The following USP46 variants were observed in gnomAD, a reference collection of about 807,000 sequenced individuals.
The protein encoded by USP46 is ubiquitin specific peptidase 46, also known as ubiquitin carboxyl-terminal hydrolase 46.
Under a neutral mutation model 44.4 loss-of-function variants are expected in USP46, and 12 were observed. That is an observed-to-expected ratio of 0.27 (90% CI 0.17 to 0.44). The LOEUF is 0.44. Among genes scored for constraint, USP46 ranks in the 20% least tolerant of loss-of-function variants. USP46 has a pLI of 1.00. For synonymous variants in USP46, 155 were observed against 161.5 expected (o/e 0.96, Z 0.31); for missense variants, 248 against 444.8 (o/e 0.56, Z 3.98).
intron 1 of USP46, among the ~76,000 whole-genome samples, chr4:52,655,849 C>G (rs1024844674): frequency 1.3e-5 from 2 of 152,184 alleles, no homozygotes; most frequent in African/African-American, 4.8e-5. Context: ...TAGTACTAAA[C>G]TTCCAGTGAA....
At chr4:52,606,483 C>T (rs570555024) in intron 5 of USP46, among the ~76,000 whole-genome samples, 2 of 152,306 alleles carry the variant, frequency 1.3e-5, no homozygotes, top group East Asian at 3.9e-4. Context: ...AGACAAGAGA[C>T]AGCAGGTGCA....
intron 1 of USP46, among the ~76,000 whole-genome samples, chr4:52,642,373 T>C (rs1451200328): frequency 1.3e-5 from 2 of 152,248 alleles, no homozygotes; most frequent in Non-Finnish European, 2.9e-5. Flanking sequence ...CAGGGAACTA[T>C]TCAAGTTCAC....
At chr4:52,610,645 T>C (rs761693518) in intron 4 of USP46, 28 bp from the exon 5 acceptor site, 3 of 1,605,150 alleles carry the variant, frequency 1.9e-6, no homozygotes, top group Non-Finnish European at 1.7e-6. Flanking sequence ...AACAATATAT[T>C]AGGCATGAAA....
intron 1 of USP46, among the ~76,000 whole-genome samples, chr4:52,633,006 G>GAAAGAAAAGA (rs1560406364): frequency 1.7e-5 from 2 of 119,042 alleles, no homozygotes; most frequent in East Asian, 4.9e-4. Flanking sequence ...AAGAAAGAAA[G>GAAAGAAAAGA]AAAGAAAGAA....
At chr4:52,622,686 T>C (rs752952193) in intron 4 of USP46, among the ~76,000 whole-genome samples, 1 of 152,084 alleles carries the variant, frequency 6.6e-6, no homozygotes, top group Non-Finnish European at 1.5e-5. Flanking sequence ...CACAGAAAAT[T>C]AGACTATTGT....
intron 4 of USP46, among the ~76,000 whole-genome samples, chr4:52,617,010 T>C (rs1045593869): frequency 1.3e-5 from 2 of 152,236 alleles, no homozygotes; most frequent in Non-Finnish European, 2.9e-5. Flanking sequence ...TATATCTGTA[T>C]GCTAGTAAAC....
intron 1 of USP46, among the ~76,000 whole-genome samples, chr4:52,641,557 G>C (rs1718341072): frequency 6.6e-6 from 1 of 152,196 alleles, no homozygotes; most frequent in Admixed American, 6.5e-5. Context: ...GAGGGGTAAA[G>C]GATGAAGACG....
rs534908608 is a variant in USP46 at position 52,651,881 on chromosome 4, C to T, written c.36+7234G>A. ...TTCAAGGTATCTTCTCAGTGCTACTCTATTATCTTTTTGTTACTAGTTTTC... is the reference window on the plus strand; with the variant it reads ...TTCAAGGTATCTTCTCAGTGCTACTTTATTATCTTTTTGTTACTAGTTTTC... On this transcript the variant is annotated intron_variant, in intron 1 of 8. Coordinates refer to ENST00000441222, the MANE Select transcript of USP46 (RefSeq NM_022832.4). Among the ~76,000 whole-genome samples the T allele has an allele frequency of 7.9e-5, 12 of 152,310 alleles. No homozygotes were observed. The East Asian group carries it at 2.3e-3, about 29-fold the overall frequency.
At chr4:52,651,747 C>G (rs1390434582) in intron 1 of USP46, among the ~76,000 whole-genome samples, 1 of 152,166 alleles carries the variant, frequency 6.6e-6, no homozygotes, top group African/African-American at 2.4e-5. Context: ...CTCACCAGAA[C>G]AGGCCCCAGA....
rs771358618 is a variant in USP46 at position 52,631,103 on chromosome 4, C to T, written c.78G>A (p.Glu26=). ...ASALEKDIGP[E]QFPINEHYFG... is the part of the protein sequence containing the mutation. ...AATAGTGTTCATTGATTGGAAACTG[C>T]TCTGGACCAATGTCTTTTTCCAGAG... is the stretch of plus-strand genomic sequence containing the variant. Residue 26 remains glutamate, a synonymous_variant, in exon 2 of 9, where the codon GAG becomes GAA. Transcript: ENST00000441222. 3 of 1,568,052 alleles carry T rather than the reference C, an allele frequency of 1.9e-6. No homozygotes were observed. In the Admixed American group the frequency reaches 5.6e-5, roughly 30 times the overall value.
intron 4 of USP46, among the ~76,000 whole-genome samples, chr4:52,617,987 A>G (rs1717227628): frequency 6.6e-6 from 1 of 152,242 alleles, no homozygotes; most frequent in African/African-American, 2.4e-5. Flanking sequence ...CTCATTTAAT[A>G]TTCTTTTTAA....
At chr4:52,608,855 A>C (rs917191430) in intron 5 of USP46, among the ~76,000 whole-genome samples, 5 of 152,176 alleles carry the variant, frequency 3.3e-5, no homozygotes, top group Non-Finnish European at 5.9e-5. Flanking sequence ...AGGAAAGAGA[A>C]GGTGGTGGTT....
In USP46 at chr4:52,602,027, G is replaced by C; in HGVS notation, c.750C>G (p.Ile250Met). 6.2e-7 allele frequency: 1 copy of C among 1,613,300 alleles called. No homozygotes were observed. ...KRMRVKKLPM[I>M]LALHLKRFKY... Reference sequence around the variant, plus strand: ...TGAACCGCTTTAGGTGCAGGGCCAAGATCATGGGCAGCTTTTTTACCCTCA... The same window carrying C: ...TGAACCGCTTTAGGTGCAGGGCCAACATCATGGGCAGCTTTTTTACCCTCA... Residue 250 changes from isoleucine (I) to methionine (M), a missense_variant, in exon 7 of 9, where the codon ATC becomes ATG. Ile to Met is a conservative substitution (Grantham distance 10, BLOSUM62 1). Transcript: ENST00000441222.
chr4:52,622,862 T>G (rs1717432455), intron 4 of USP46, among the ~76,000 whole-genome samples: 1 of 152,190 alleles, frequency 6.6e-6, no homozygotes, highest in African/African-American at 2.4e-5. Flanking sequence ...AGGAAGGGAT[T>G]TGAAAGGCTT....
chr4:52,600,511 C>A (rs1716427262), intron 7 of USP46, among the ~76,000 whole-genome samples: 2 of 152,172 alleles, frequency 1.3e-5, no homozygotes, highest in South Asian at 4.1e-4. Flanking sequence ...GCTACCAGGG[C>A]TCTTCTGACC....
chr4:52,653,495 C>CA (rs397880678), intron 1 of USP46, among the ~76,000 whole-genome samples: 9,927 of 52,356 alleles, frequency 0.19, 803 homozygotes, highest in African/African-American at 0.26. Context: ...AACTCTATCT[C>CA]AAAAAAAAAA....
intron 5 of USP46, among the ~76,000 whole-genome samples, chr4:52,608,920 G>T (rs914073550): frequency 6.6e-6 from 1 of 152,104 alleles, no homozygotes; most frequent in African/African-American, 2.4e-5. Flanking sequence ...GGAGTCATGG[G>T]GAGGGTCTAA....
Position 52,591,610 on chromosome 4 carries a change from G to C in USP46, c.*6030C>G, listed in dbSNP as rs1357126642. On this transcript the variant is annotated 3_prime_UTR_variant, in exon 9 of 9. Coordinates refer to ENST00000441222, the MANE Select transcript of USP46 (RefSeq NM_022832.4). ...CATGTGGGAAGTAAGCACACAATTA[G>C]AAGTCTTTTCTATACAATCTAATGT... The C allele has an allele frequency of 6.6e-6, 1 of 152,208 alleles. No homozygotes were observed. Among genetic ancestry groups the C allele is most frequent in the East Asian group, 1.9e-4 (1 of 5,198 alleles). 9.4% of individuals were successfully genotyped at this position (152,208 alleles called of 1,614,324 possible).
chr4:52,594,340 G>T lies in USP46; in HGVS notation c.*3300C>A, dbSNP rs1716143453. On this transcript the variant is annotated 3_prime_UTR_variant, in exon 9 of 9. Transcript: ENST00000441222. ...TTAAATAAAAACTACAATATTTTTAGCAACAAAATAATAGGAATGCCACAC... is the reference window on the plus strand; with the variant it reads ...TTAAATAAAAACTACAATATTTTTATCAACAAAATAATAGGAATGCCACAC... The T allele has an allele frequency of 6.6e-6, 1 of 152,054 alleles. No individual in the cohort carries two copies. The highest frequency in any genetic ancestry group is 1.5e-5 in the Non-Finnish European group (1 of 68,004). 9.4% of individuals were successfully genotyped at this position (152,054 alleles called of 1,614,324 possible).
Sources: gnomAD v4.1 joint callset for allele counts (sites outside exome capture counted in the v4.1 genomes callset) on GRCh38, gnomAD v4.1.1 for gene constraint, MANE v1.5 for transcripts, NCBI Gene and HGNC (gene_info 2026-07-23, HGNC 2026-07-21) for gene names.